Variants in LSM14A observed in about 807,000 individuals in gnomAD.
LSM14A encodes protein LSM14 homolog A.
Under a neutral mutation model 52.4 loss-of-function variants are expected in LSM14A, and 14 were observed. The ratio of observed to expected loss-of-function variants is 0.27; its 90% CI spans 0.18 to 0.42. The LOEUF is 0.42. Among genes scored for constraint, LSM14A ranks in the 10% least tolerant of loss-of-function variants. The pLI is 1.00. For synonymous variants in LSM14A, 185 were observed against 200.3 expected (o/e 0.92, Z 0.64); for missense variants, 417 against 581.8 (o/e 0.72, Z 2.91).
At chr19:34,217,620 T>TCCC in intron 6 of LSM14A, among the ~76,000 whole-genome samples, 1 of 21,806 alleles carries the variant, frequency 4.6e-5, no homozygotes, top group African/African-American at 2.2e-4. Context: ...CCCCCCCGTG[T>TCCC]TTTTTTTTTT....
chr19:34,181,284 CA>C (rs991551978), intron 1 of LSM14A, among the ~76,000 whole-genome samples: 5 of 152,058 alleles, frequency 3.3e-5, no homozygotes, highest in Non-Finnish European at 7.4e-5. Flanking sequence ...TAAGAACAAC[CA>C]AAAAACCCCA....
chr19:34,194,533 T>A lies in LSM14A; in HGVS notation c.177T>A (p.Asp59Glu), dbSNP rs1328620944. The A allele has an allele frequency of 6.2e-7, 1 of 1,614,156 alleles. No homozygotes were observed. Residue 59 changes from aspartate to glutamate, a missense_variant, in exon 2 of 10, where the codon GAT becomes GAA. Asp to Glu is a conservative substitution (Grantham distance 45). Transcript: ENST00000544216. ...RPTDRPIPPR[D>E]EVFEYIIFRG... ...CAGATCGTCCAATACCACCTCGAGA[T>A]GAAGTCTTTGAATACATTATATTCC...
intron 3 of LSM14A, among the ~76,000 whole-genome samples, chr19:34,201,520 T>G (rs754406347): frequency 6.6e-6 from 1 of 152,096 alleles, no homozygotes; most frequent in Non-Finnish European, 1.5e-5. Flanking sequence ...TTTTTGTATT[T>G]TTAGTAGAGA....
intron 1 of LSM14A, among the ~76,000 whole-genome samples, chr19:34,185,825 A>G (rs919589490): frequency 2.6e-5 from 4 of 152,338 alleles, no homozygotes; most frequent in African/African-American, 7.2e-5. Context: ...GAAGAAAAAT[A>G]CTAACTGTAA....
intron 1 of LSM14A, among the ~76,000 whole-genome samples, chr19:34,193,965 G>A (rs554948597): frequency 3.3e-5 from 5 of 152,302 alleles, no homozygotes; most frequent in African/African-American, 1.2e-4. Flanking sequence ...GAGGCCAGGA[G>A]TTCAAGACCA....
intron 9 of LSM14A, chr19:34,226,502 G>T (rs750949038): frequency 3.4e-6 from 5 of 1,476,516 alleles, no homozygotes; most frequent in Non-Finnish European, 4.5e-6. Context: ...GTGAAGGTTG[G>T]CTTTGTGGGG....
At position 34,172,714 on chromosome 19, in the gene LSM14A, C is replaced by T. The variant is rs1404153571; in HGVS notation, c.72C>T (p.Gly24=). 6.3e-7 allele frequency: 1 copy of T among 1,582,224 alleles called. No individual in the cohort carries two copies. Among genetic ancestry groups the T allele is most frequent in the Non-Finnish European group, 8.6e-7 (1 of 1,165,660 alleles). The change falls in exon 1 of 10, where the codon GGC becomes GGT. Residue 24 remains glycine (G), a synonymous_variant. Coordinates refer to ENST00000544216, the MANE Select transcript of LSM14A (RefSeq NM_015578.4). ...LISKAEIRYE[G]ILYTIDTENS... is the part of the protein sequence containing the mutation. The stretch of plus-strand genomic sequence containing the variant: ...CCAAGGCGGAGATCCGCTACGAGGG[C>T]ATCCTCTACACCATCGACACCGAAA...
At position 34,194,621 on chromosome 19, in the gene LSM14A, C is replaced by G. The variant is rs1568481593; in HGVS notation, c.265C>G (p.Gln89Glu). Reference sequence around the variant, plus strand: ...ACCAAAACCACAGTGTTCTTTGCCTCAAGACCCAGCTATTGTTCAGGTAAC... The same window carrying G: ...ACCAAAACCACAGTGTTCTTTGCCTGAAGACCCAGCTATTGTTCAGGTAAC... Reference protein sequence around the residue: ...EPPKPQCSLPQDPAIVQSSLG... With the variant: ...EPPKPQCSLPEDPAIVQSSLG... The change falls in exon 2 of 10, where the codon CAA becomes GAA. Residue 89 changes from glutamine to glutamate, a missense_variant. Physicochemically the swap from Gln to Glu is conservative, Grantham distance 29. Around this residue, in one of 2 missense-constraint regions of LSM14A, gnomAD observed 60 missense variants for 124.8 expected, o/e 0.48. Transcript: ENST00000544216. 1 of 1,614,164 alleles carries G rather than the reference C, an allele frequency of 6.2e-7. No individual in the cohort carries two copies. Among genetic ancestry groups the G allele is most frequent in the Admixed American group, 1.7e-5 (1 of 60,020 alleles).
At chr19:34,180,528 C>G (rs1785447272) in intron 1 of LSM14A, among the ~76,000 whole-genome samples, 1 of 152,148 alleles carries the variant, frequency 6.6e-6, no homozygotes, top group South Asian at 2.1e-4. Flanking sequence ...TAGAGAATAG[C>G]TGTCCCATGT....
chr19:34,174,230 T>TG (rs1422511513), intron 1 of LSM14A, among the ~76,000 whole-genome samples: 1 of 152,210 alleles, frequency 6.6e-6, no homozygotes, highest in Non-Finnish European at 1.5e-5. Context: ...ATTACAGGCA[T>TG]GAGCCACCGC....
intron 1 of LSM14A, among the ~76,000 whole-genome samples, chr19:34,192,313 TTTGTTG>T (rs1277579230): frequency 2.0e-5 from 2 of 100,254 alleles, no homozygotes; most frequent in Non-Finnish European, 3.9e-5. Context: ...TAACATTCTT[TTTGTTG>T]TTTTTTTTTT....
At chr19:34,175,634 G>A (rs993318299) in intron 1 of LSM14A, among the ~76,000 whole-genome samples, 1 of 152,158 alleles carries the variant, frequency 6.6e-6, no homozygotes, top group African/African-American at 2.4e-5. Flanking sequence ...TAGTCTACAT[G>A]ATATTATCTA....
intron 4 of LSM14A, among the ~76,000 whole-genome samples, chr19:34,213,760 C>T (rs1385862045): frequency 6.6e-6 from 1 of 152,046 alleles, no homozygotes. Flanking sequence ...TAAGTACAAA[C>T]CCCATTTTTT....
rs2073417274 is a variant in LSM14A, at chr19:34,227,768, CTG to C, written c.*384_*385del. 5.5e-6 allele frequency: 1 copy of C among 181,208 alleles called. No homozygotes were observed. The highest frequency in any genetic ancestry group is 1.1e-5 in the Non-Finnish European group (1 of 90,630). The allele number at this position is 181,208 out of a possible 1,614,324, so 11.2% of individuals were successfully genotyped here. A position where few individuals can be genotyped will look rare whatever the true frequency, so the allele number is the denominator to read the frequency against. ...GTTGCCTGCAGATAGGGCCGTGATACTGTGTTTTGAGCCACAGAAGGTTGTGT... is the reference window on the plus strand; with the variant it reads ...GTTGCCTGCAGATAGGGCCGTGATACTGTTTTGAGCCACAGAAGGTTGTGT... On this transcript the variant is annotated 3_prime_UTR_variant, in exon 10 of 10. Coordinates refer to ENST00000544216, the MANE Select transcript of LSM14A (RefSeq NM_015578.4).
chr19:34,208,911 T>G lies in LSM14A; in HGVS notation c.416-18T>G. On this transcript the variant is annotated intron_variant, in intron 3 of 9. Transcript: ENST00000544216. ...CATTTTTTAAAATTTTTTTATCATT[T>G]AAAAACATCTCTTTAAGCTGGAAGC... 6.5e-7 allele frequency: 1 copy of G among 1,530,352 alleles called. No homozygotes were observed. The highest frequency in any genetic ancestry group is 8.8e-7 in the Non-Finnish European group (1 of 1,138,524). 94.8% of individuals were successfully genotyped at this position (1,530,352 alleles called of 1,614,324 possible).
At chr19:34,224,852 G>A (rs1457032325) in intron 9 of LSM14A, among the ~76,000 whole-genome samples, 1 of 152,164 alleles carries the variant, frequency 6.6e-6, no homozygotes, top group Non-Finnish European at 1.5e-5. Flanking sequence ...TGTAGGCCCA[G>A]CCCTTTTGAT....
At chr19:34,206,613 TAC>T (rs1295656824) in intron 3 of LSM14A, among the ~76,000 whole-genome samples, 2 of 151,930 alleles carry the variant, frequency 1.3e-5, no homozygotes, top group Non-Finnish European at 2.9e-5. Context: ...AGGCGGAGGT[TAC>T]AGTTAGCTGA....
chr19:34,221,622 CGTGGTGGCAGAGGGCGTG>C lies in LSM14A; in HGVS notation c.1266_1283del (p.Arg423_Gly428del), dbSNP rs1175929320. ...CAGAGGCAGAGGAGGTCTTGGTTTC[CGTGGTGGCAGAGGGCGTG>C]GTGGTGGCAGAGGTGGTACCTTCAC... is the stretch of plus-strand genomic sequence containing the variant. On this transcript the variant is annotated inframe_deletion, in exon 9 of 10. Coordinates refer to ENST00000544216, the MANE Select transcript of LSM14A (RefSeq NM_015578.4). The C allele has an allele frequency of 3.1e-6, 5 of 1,613,892 alleles. No homozygotes were observed. The highest frequency in any genetic ancestry group is 3.3e-5 in the Admixed American group (2 of 59,964).
Position 34,209,844 on chromosome 19 carries a change from C to CT in LSM14A, c.538+808dup, listed in dbSNP as rs34313988. 2.9e-3 allele frequency among the ~76,000 whole-genome samples: 401 copies of CT among 140,338 alleles called. 1 individual carries two copies. The highest frequency in any genetic ancestry group is 4.7e-3 in the African/African-American group (180 of 38,098). 92.1% of individuals were successfully genotyped at this position (140,338 alleles called of 152,430 possible). ...TACAGGCGTGAGCCATTGGGCCTGG[C>CT]TTTTTTTTTTTTTTTAAAGATAGGT... On this transcript the variant is annotated intron_variant, in intron 4 of 9. Coordinates refer to ENST00000544216, the MANE Select transcript of LSM14A (RefSeq NM_015578.4).
Sources: allele counts gnomAD v4.1 joint callset (sites outside exome capture counted in the v4.1 genomes callset), GRCh38; gene constraint gnomAD v4.1.1; regional missense constraint gnomAD v4.1.1; transcripts MANE v1.5; gene names NCBI Gene and HGNC (gene_info 2026-07-23, HGNC 2026-07-21).